Variants in INSL6 observed in about 807,000 individuals in gnomAD.
INSL6 encodes insulin-like peptide INSL6.
INSL6 carries 16 observed loss-of-function variants against 9.4 expected under a neutral mutation model. The ratio of observed to expected loss-of-function variants is 1.70; its 90% confidence interval spans 1.15 to 2.59. INSL6 has a LOEUF of 2.59. Among genes scored for constraint, INSL6 ranks in the 30% most tolerant of loss-of-function variants. The pLI is 0.00. For synonymous variants in INSL6, 154 were observed against 96.9 expected (o/e 1.59, Z -3.46); for missense variants, 391 against 257.3 (o/e 1.52, Z -3.56).
chr9:5,141,231 T>A (rs1217560638), intron 2 of INSL6, among the ~76,000 whole-genome samples: 2 of 152,220 alleles, frequency 1.3e-5, no homozygotes, highest in African/African-American at 2.4e-5. Context: ...AGTAATGGAA[T>A]TGCTGGATCA....
At chr9:5,101,771 G>C in the INSL6 span, among the ~76,000 whole-genome samples, 34 of 152,302 alleles carry the variant, frequency 2.2e-4, no homozygotes, top group Admixed American at 2.2e-3. Context: ...GTCTGGAGTG[G>C]ACCTCCAGCA....
downstream of INSL6, among the ~76,000 whole-genome samples, chr9:5,162,039 A>G (rs1008469144): frequency 1.3e-5 from 2 of 152,016 alleles, no homozygotes; most frequent in African/African-American, 2.4e-5. Flanking sequence ...TGATCACACT[A>G]CTGCATTCTA....
chr9:5,080,247 C>A, the INSL6 span: 1 of 1,612,228 alleles, frequency 6.2e-7, no homozygotes, highest in Non-Finnish European at 8.5e-7. Flanking sequence ...GAGAGAATAC[C>A]ATGGGTACCA....
rs548639838 is a variant in INSL6 at position 5,153,074 on chromosome 9, C to T, written c.376+11105G>A. On this transcript the variant is annotated intron_variant, in intron 2 of 3. Coordinates refer to the INSL6 transcript ENST00000649639. Reference sequence around the variant, plus strand: ...CAGGAGATTCCTTCCAGTGCCTACACCACCAGGGCCCAGGGTTTCCAGCAC... The same window carrying T: ...CAGGAGATTCCTTCCAGTGCCTACATCACCAGGGCCCAGGGTTTCCAGCAC... Among the ~76,000 whole-genome samples, 146 of 152,280 alleles carry T rather than the reference C, an allele frequency of 9.6e-4. 1 individual carries two copies. The highest frequency in any genetic ancestry group is 1.8e-3 in the Non-Finnish European group (120 of 68,018).
chr9:5,111,100 C>A, the INSL6 span: 1 of 1,223,700 alleles, frequency 8.2e-7, no homozygotes, highest in Non-Finnish European at 1.1e-6. Flanking sequence ...CAGCGGCGAC[C>A]AGAACAGCTC....
intron 3 of INSL6, chr9:5,132,049 G>A (rs1824302766): frequency 6.6e-6 from 1 of 151,890 alleles, no homozygotes; most frequent in African/African-American, 2.4e-5. Flanking sequence ...AGAAATTCTT[G>A]GTAATAGGAG....
the INSL6 span, among the ~76,000 whole-genome samples, chr9:5,076,485 AC>A: frequency 1.3e-5 from 2 of 152,134 alleles, no homozygotes; most frequent in African/African-American, 2.4e-5. Context: ...TATCATTAGC[AC>A]CTTTTTTGGC....
chr9:5,041,034 T>C, the INSL6 span: 1 of 675,056 alleles, frequency 1.5e-6, no homozygotes, highest in Admixed American at 2.1e-5. Context: ...GTACCGGTTC[T>C]ACAAGCAGCT....
chr9:5,047,062 C>T, the INSL6 span, among the ~76,000 whole-genome samples: 1 of 151,984 alleles, frequency 6.6e-6, no homozygotes, highest in South Asian at 2.1e-4. Flanking sequence ...AAGGTAATTC[C>T]ACCATATAAT....
chr9:5,008,871 C>G, the INSL6 span, among the ~76,000 whole-genome samples: 1 of 152,080 alleles, frequency 6.6e-6, no homozygotes, highest in African/African-American at 2.4e-5. Flanking sequence ...CTGGATTGAT[C>G]CTCTTATTTC....
At chr9:5,120,187 C>CA (rs1241843557), downstream of INSL6, among the ~76,000 whole-genome samples, 1 of 152,210 alleles carries the variant, frequency 6.6e-6, no homozygotes, top group African/African-American at 2.4e-5. Flanking sequence ...ACCATGTCCT[C>CA]ACATGGACAA....
chr9:5,080,572 C>G, the INSL6 span: 8 of 1,600,382 alleles, frequency 5.0e-6, no homozygotes, highest in Non-Finnish European at 5.9e-6. Context: ...GCTTCCTGCA[C>G]CAAAGTGGGC....
At chr9:4,998,971 G>A in the INSL6 span, among the ~76,000 whole-genome samples, 53 of 150,504 alleles carry the variant, frequency 3.5e-4, 2 homozygotes, top group East Asian at 6.4e-3. Flanking sequence ...ACAGGTGCCC[G>A]CCACCACGCC....
the INSL6 span, among the ~76,000 whole-genome samples, chr9:5,027,064 G>C: frequency 6.6e-6 from 1 of 152,156 alleles, no homozygotes; most frequent in Non-Finnish European, 1.5e-5. Flanking sequence ...ATGCAAGCAT[G>C]GATTTTTATT....
chr9:5,138,820 C>T (rs1321844573), intron 2 of INSL6, among the ~76,000 whole-genome samples: 1 of 151,920 alleles, frequency 6.6e-6, no homozygotes, highest in Non-Finnish European at 1.5e-5. Flanking sequence ...TAAAGATCTC[C>T]TTCCTAGATG....
the INSL6 span, among the ~76,000 whole-genome samples, chr9:5,051,752 A>G: frequency 2.0e-5 from 3 of 152,052 alleles, no homozygotes; most frequent in Non-Finnish European, 2.9e-5. Flanking sequence ...CTTTTTTGAA[A>G]TTGTTCTCCC....
chr9:5,025,376 T>G, the INSL6 span, among the ~76,000 whole-genome samples: 1 of 152,228 alleles, frequency 6.6e-6, no homozygotes, highest in Non-Finnish European at 1.5e-5. Context: ...GAATTGTCTT[T>G]CATGTTTGGT....
chr9:5,159,165 G>T (rs1049637262), downstream of INSL6, among the ~76,000 whole-genome samples: 1 of 151,786 alleles, frequency 6.6e-6, no homozygotes, highest in East Asian at 1.9e-4. Context: ...CAAAAAGCAA[G>T]AAATAAAAAT....
At chr9:5,046,290 T>G in the INSL6 span, among the ~76,000 whole-genome samples, 3 of 152,196 alleles carry the variant, frequency 2.0e-5, no homozygotes, top group African/African-American at 7.2e-5. Context: ...ATTATAGAAA[T>G]TATTATTCTG....
Sources: allele counts gnomAD v4.1 joint callset (sites outside exome capture counted in the v4.1 genomes callset), GRCh38; gene constraint gnomAD v4.1.1; transcripts MANE v1.5; gene names NCBI Gene and HGNC (gene_info 2026-07-23, HGNC 2026-07-21).